PSMC2: variants seen among roughly 807,000 people sequenced by gnomAD.
The protein encoded by PSMC2 is 26S proteasome regulatory subunit 7.
A neutral mutation model predicts 53.3 loss-of-function variants in PSMC2; 7 were observed. The ratio of observed to expected loss-of-function variants is 0.13; its 90% CI spans 0.07 to 0.25. The LOEUF (loss-of-function observed/expected upper bound fraction) is 0.25. PSMC2 is among the 10% of genes least tolerant of loss of function. The probability of loss-of-function intolerance (pLI) is 1.00; values close to 1 mark genes in which losing one functional copy is unlikely to be tolerated. For synonymous variants in PSMC2, 169 were observed against 183.9 expected, an observed-to-expected ratio of 0.92 and a Z score of 0.66; for missense variants, 241 against 544.0, an observed-to-expected ratio of 0.44 and a Z score of 5.54.
intron 1 of PSMC2, among the ~76,000 whole-genome samples, chr7:103,351,441 A>G (rs1374317960): frequency 6.6e-6 from 1 of 152,228 alleles, no homozygotes; most frequent in Non-Finnish European, 1.5e-5. Context: ...TAACCAGAGT[A>G]GCTCGTTAGA....
At chr7:103,359,914 A>C (rs945236610) in intron 4 of PSMC2, among the ~76,000 whole-genome samples, 2 of 151,938 alleles carry the variant, frequency 1.3e-5, no homozygotes, top group African/African-American at 4.8e-5. Flanking sequence ...ACCTGTCTCT[A>C]CTAAAAATAT....
At position 103,355,731 on chromosome 7, in the gene PSMC2, A is replaced by C. The variant is rs201584289; in HGVS notation, c.228A>C (p.Ala76=). 1.9e-6 allele frequency: 3 copies of C among 1,614,078 alleles called. No homozygotes were observed. The highest frequency in any genetic ancestry group is 1.3e-5 in the African/African-American group (1 of 75,022). The part of the protein sequence containing the change: ...KESDTGLAPP[A]LWDLAADKQT... ...CTGACACTGGCCTGGCCCCACCAGC[A>C]CTCTGGGATTTGGCTGCAGATAAGC... Residue 76 remains alanine, a synonymous_variant, in exon 4 of 12, where the codon GCA becomes GCC. Coordinates refer to ENST00000292644, the MANE Select transcript of PSMC2 (RefSeq NM_002803.4).
rs1206757733 is a variant in PSMC2, at chr7:103,347,733, G to T, written c.22G>T (p.Asp8Tyr). 6.2e-7 allele frequency: 1 copy of T among 1,613,944 alleles called. No individual in the cohort carries two copies. The highest frequency in any genetic ancestry group is 8.5e-7 in the Non-Finnish European group (1 of 1,179,868). ...TAAAATGCCGGATTACCTCGGTGCCGATCAGCGGAAGACCAAAGAGGATGA... is the reference window on the plus strand; with the variant it reads ...TAAAATGCCGGATTACCTCGGTGCCTATCAGCGGAAGACCAAAGAGGATGA... MPDYLGA[D>Y]QRKTKEDEKD... Residue 8 changes from aspartate (D) to tyrosine (Y), a missense_variant, in exon 1 of 12, where the codon GAT becomes TAT. By Grantham distance (160) the Asp-to-Tyr change is radical (BLOSUM62 -3). Coordinates refer to ENST00000292644, the MANE Select transcript of PSMC2 (RefSeq NM_002803.4).
intron 1 of PSMC2, 92 bp from the exon 2 acceptor site, chr7:103,353,829 T>A: frequency 9.1e-7 from 1 of 1,094,112 alleles, no homozygotes; most frequent in Non-Finnish European, 1.3e-6. Flanking sequence ...TAAAACAATT[T>A]GAATCGAACA....
At chr7:103,350,515 G>A (rs1819703915) in intron 1 of PSMC2, among the ~76,000 whole-genome samples, 1 of 152,076 alleles carries the variant, frequency 6.6e-6, no homozygotes. Context: ...TTTAGAGACA[G>A]TCTTGCACTG....
Position 103,368,237 on chromosome 7 carries a change from T to G in PSMC2, c.*183T>G. 3.2e-6 allele frequency: 2 copies of G among 624,370 alleles called. No individual in the cohort carries two copies. Among genetic ancestry groups the G allele is most frequent in the Non-Finnish European group, 5.1e-6 (2 of 390,684 alleles). The allele number at this position is 624,370 out of a possible 1,614,324, so 38.7% of individuals were successfully genotyped here. A position where few individuals can be genotyped will look rare whatever the true frequency, so the allele number is the denominator to read the frequency against. On this transcript the variant is annotated 3_prime_UTR_variant, in exon 12 of 12. Coordinates refer to ENST00000292644, the MANE Select transcript of PSMC2 (RefSeq NM_002803.4). ...AGGCAGAAAAGCTTGTTAGAATATA[T>G]TTTGACTATTTTTTTGACCCACACC... is the stretch of plus-strand genomic sequence containing the variant.
At chr7:103,362,478 T>C in intron 5 of PSMC2, 1 of 1,397,548 alleles carries the variant, frequency 7.2e-7, no homozygotes, top group Non-Finnish European at 9.3e-7. Context: ...CTCAAAGGTT[T>C]GATTGCTGTT....
At chr7:103,366,275 G>A in intron 9 of PSMC2, 112 bp downstream of exon 9, 2 of 932,356 alleles carry the variant, frequency 2.1e-6, no homozygotes, top group Non-Finnish European at 3.3e-6. Context: ...ACTCTTCTAT[G>A]AGCTCTGAAA....
At chr7:103,353,829 T>C in intron 1 of PSMC2, 92 bp from the exon 2 acceptor site, 1 of 1,094,114 alleles carries the variant, frequency 9.1e-7, no homozygotes, top group South Asian at 1.4e-5. Flanking sequence ...TAAAACAATT[T>C]GAATCGAACA....
intron 4 of PSMC2, among the ~76,000 whole-genome samples, chr7:103,357,580 C>T (rs1162690457): frequency 6.6e-6 from 1 of 152,106 alleles, no homozygotes; most frequent in African/African-American, 2.4e-5. Context: ...CTGCCTTCAC[C>T]TTGAAGGCAC....
intron 1 of PSMC2, chr7:103,352,972 A>T: frequency 3.8e-6 from 3 of 780,314 alleles, no homozygotes; most frequent in Non-Finnish European, 7.2e-6. Context: ...GTGAACTTAA[A>T]TTTTTTACCA....
intron 1 of PSMC2, among the ~76,000 whole-genome samples, chr7:103,350,185 GA>G (rs1344731724): frequency 1.3e-5 from 2 of 152,084 alleles, no homozygotes; most frequent in Non-Finnish European, 2.9e-5. Context: ...ACATAGTTGA[GA>G]AAATCTTCCT....
intron 1 of PSMC2, among the ~76,000 whole-genome samples, chr7:103,352,408 T>C (rs1819777046): frequency 1.0e-5 from 1 of 99,540 alleles, no homozygotes; most frequent in African/African-American, 4.6e-5. Flanking sequence ...GATTATAATC[T>C]TTTTTTTTTT....
intron 7 of PSMC2, among the ~76,000 whole-genome samples, chr7:103,363,689 C>A (rs1284998996): frequency 6.6e-6 from 1 of 152,016 alleles, no homozygotes; most frequent in Non-Finnish European, 1.5e-5. Context: ...CACAGTGTAA[C>A]CTTTAGCAAT....
intron 1 of PSMC2, among the ~76,000 whole-genome samples, chr7:103,348,372 T>TA (rs1563480895): frequency 6.6e-6 from 1 of 152,190 alleles, no homozygotes; most frequent in Non-Finnish European, 1.5e-5. Flanking sequence ...TCCTTTTTTT[T>TA]AACACAAATG....
chr7:103,359,894 A>G lies in PSMC2; in HGVS notation c.291-2063A>G, dbSNP rs577307944. On this transcript the variant is annotated intron_variant, in intron 4 of 11. Coordinates refer to ENST00000292644, the MANE Select transcript of PSMC2 (RefSeq NM_002803.4). ...TGGGAGTTTGAGATCAGCCTGGCCA[A>G]CATGGTGAAACCTGTCTCTACTAAA... Among the ~76,000 whole-genome samples the G allele has an allele frequency of 8.5e-5, 13 of 152,228 alleles. No homozygotes were observed. In the East Asian group the frequency reaches 2.3e-3, roughly 27 times the overall value.
At chr7:103,348,807 C>G in intron 1 of PSMC2, 1 of 763,362 alleles carries the variant, frequency 1.3e-6, no homozygotes. Context: ...AAGGCATCTA[C>G]CCAATGGAAA....
intron 8 of PSMC2, 65 bp from the exon 9 acceptor site, chr7:103,366,011 A>T: frequency 7.7e-7 from 1 of 1,296,078 alleles, no homozygotes; most frequent in Non-Finnish European, 1.1e-6. Context: ...TTGAAGCATA[A>T]CTTTTTACTT....
rs1820833882 is a variant in PSMC2, at chr7:103,368,392, A to G, written c.*338A>G. 5.8e-6 allele frequency: 1 copy of G among 173,068 alleles called. No individual in the cohort carries two copies. The highest frequency in any genetic ancestry group is 2.4e-5 in the African/African-American group (1 of 42,240). 10.7% of individuals were successfully genotyped at this position (173,068 alleles called of 1,614,324 possible). ...TCTGTCCACTGAGGAAGATTATCAA[A>G]TGGATCTTCATCCAATGGATGCATA... On this transcript the variant is annotated 3_prime_UTR_variant, in exon 12 of 12. Coordinates refer to ENST00000292644, the MANE Select transcript of PSMC2 (RefSeq NM_002803.4).
Sources: allele counts gnomAD v4.1 joint callset (sites outside exome capture counted in the v4.1 genomes callset), GRCh38; gene constraint gnomAD v4.1.1; transcripts MANE v1.5; gene names NCBI Gene and HGNC (gene_info 2026-07-23, HGNC 2026-07-21).